The following MDGA2 variants were observed in gnomAD, a reference collection of about 807,000 sequenced individuals.
MDGA2 encodes the protein MAM domain containing glycosylphosphatidylinositol anchor 2.
In MDGA2, 40 loss-of-function variants were observed where a neutral mutation model predicts 117.8. The ratio of observed to expected loss-of-function variants is 0.34; its 90% CI spans 0.26 to 0.44. MDGA2 has a LOEUF of 0.44. Ranked by LOEUF, MDGA2 falls within the 20% of genes least tolerant of loss-of-function variation. MDGA2 has a pLI of 1.00. For synonymous variants in MDGA2, 452 were observed against 439.0 expected (o/e 1.03, Z -0.37); for missense variants, 1,123 against 1,250.6 (o/e 0.90, Z 1.54).
chr14:46,878,325 A>G (rs1882312044), intron 11 of MDGA2, among the ~76,000 whole-genome samples: 2 of 152,008 alleles, frequency 1.3e-5, no homozygotes, highest in South Asian at 4.1e-4. Flanking sequence ...AAATATTCCA[A>G]TCTGGATGAA....
chr14:47,325,666 T>C (rs1566739641), intron 1 of MDGA2, among the ~76,000 whole-genome samples: 1 of 152,192 alleles, frequency 6.6e-6, no homozygotes, highest in Non-Finnish European at 1.5e-5. Flanking sequence ...AGAAGTTTAC[T>C]AGGCATGTGC....
At chr14:47,005,819 T>G (rs73239254) in intron 8 of MDGA2, among the ~76,000 whole-genome samples, 32,169 of 151,472 alleles carry the variant, frequency 0.21, 3,684 homozygotes, top group Non-Finnish European at 0.25. Flanking sequence ...TTGTCTATAT[T>G]TTTATTTGTA....
At chr14:46,957,014 A>T (rs964684352) in intron 9 of MDGA2, among the ~76,000 whole-genome samples, 1 of 152,094 alleles carries the variant, frequency 6.6e-6, no homozygotes, top group Non-Finnish European at 1.5e-5. Context: ...CTTCCCAGTC[A>T]TGCTTCCTGT....
intron 8 of MDGA2, among the ~76,000 whole-genome samples, chr14:46,969,776 G>A (rs911357168): frequency 6.6e-6 from 1 of 151,562 alleles, no homozygotes; most frequent in Non-Finnish European, 1.5e-5. Flanking sequence ...ACACACCGGG[G>A]CCCGTTGTGG....
intron 2 of MDGA2, among the ~76,000 whole-genome samples, chr14:47,295,396 C>G (rs1191572307): frequency 6.6e-6 from 1 of 152,088 alleles, no homozygotes; most frequent in Admixed American, 6.6e-5. Flanking sequence ...TTCAGTATTC[C>G]TACTGAGAAC....
At chr14:47,190,553 C>G (rs192962438) in intron 3 of MDGA2, among the ~76,000 whole-genome samples, 8 of 152,136 alleles carry the variant, frequency 5.3e-5, no homozygotes, top group Admixed American at 2.6e-4. Flanking sequence ...AAAACATTAT[C>G]TTTGGCTACG....
At chr14:47,297,118 T>G (rs1566726077) in intron 2 of MDGA2, among the ~76,000 whole-genome samples, 1 of 152,152 alleles carries the variant, frequency 6.6e-6, no homozygotes, top group African/African-American at 2.4e-5. Flanking sequence ...TTTGGACACA[T>G]GGCCAAGTGA....
chr14:47,631,444 A>AT (rs1183708048), intron 1 of MDGA2, among the ~76,000 whole-genome samples: 1 of 152,176 alleles, frequency 6.6e-6, no homozygotes, highest in Non-Finnish European at 1.5e-5. Context: ...TTATTTTTTA[A>AT]AACAAAAACG....
intron 7 of MDGA2, among the ~76,000 whole-genome samples, chr14:47,047,993 A>G (rs1182855484): frequency 1.3e-5 from 2 of 152,122 alleles, no homozygotes; most frequent in Non-Finnish European, 2.9e-5. Flanking sequence ...ATCCAAGGAA[A>G]GAAGATTGCA....
chr14:47,579,648 G>C (rs1896190790), intron 1 of MDGA2, among the ~76,000 whole-genome samples: 1 of 151,948 alleles, frequency 6.6e-6, no homozygotes, highest in African/African-American at 2.4e-5. Context: ...AAAAGATAGG[G>C]TAAGTTTTAT....
At chr14:47,010,899 TAA>T (rs1409019919) in intron 8 of MDGA2, among the ~76,000 whole-genome samples, 3 of 152,056 alleles carry the variant, frequency 2.0e-5, no homozygotes, top group African/African-American at 7.2e-5. Flanking sequence ...TAAATAAATA[TAA>T]GTCATGGACA....
intron 1 of MDGA2, among the ~76,000 whole-genome samples, chr14:47,614,724 G>C (rs180693057): frequency 9.7e-4 from 148 of 152,294 alleles, no homozygotes; most frequent in African/African-American, 3.3e-3. Flanking sequence ...AAAATGAGAA[G>C]TGTAGCAATT....
intron 1 of MDGA2, among the ~76,000 whole-genome samples, chr14:47,304,960 G>C (rs1285712337): frequency 6.6e-6 from 1 of 152,048 alleles, no homozygotes; most frequent in Non-Finnish European, 1.5e-5. Context: ...CTTCCATGAG[G>C]TATGTATTTA....
chr14:47,473,278 G>A (rs909814425), intron 1 of MDGA2, among the ~76,000 whole-genome samples: 5 of 152,228 alleles, frequency 3.3e-5, no homozygotes, highest in African/African-American at 1.2e-4. Flanking sequence ...AGAGCTAGGG[G>A]TCTCCCTCCA....
intron 1 of MDGA2, among the ~76,000 whole-genome samples, chr14:47,392,455 C>T (rs1891918171): frequency 6.6e-6 from 1 of 152,056 alleles, no homozygotes; most frequent in African/African-American, 2.4e-5. Context: ...CAGACTCATG[C>T]AAGTAGGCCT....
intron 2 of MDGA2, among the ~76,000 whole-genome samples, chr14:47,231,289 A>T (rs548685824): frequency 4.6e-5 from 7 of 152,184 alleles, no homozygotes; most frequent in African/African-American, 1.7e-4. Context: ...CCTAAGAGTC[A>T]CATTAACTAA....
chr14:47,660,599 C>T (rs1300374166), intron 1 of MDGA2, among the ~76,000 whole-genome samples: 2 of 152,152 alleles, frequency 1.3e-5, no homozygotes, highest in East Asian at 3.9e-4. Flanking sequence ...GATAGAGTCT[C>T]CTCAATTAAC....
chr14:47,632,516 A>G (rs1594953646), intron 1 of MDGA2, among the ~76,000 whole-genome samples: 1 of 152,334 alleles, frequency 6.6e-6, no homozygotes, highest in African/African-American at 2.4e-5. Flanking sequence ...AGCAAACTGT[A>G]AAAGGTCATG....
intron 4 of MDGA2, among the ~76,000 whole-genome samples, chr14:47,139,883 C>CACAT (rs1491549662): frequency 8.3e-6 from 1 of 120,954 alleles, no homozygotes; most frequent in South Asian, 2.5e-4. Flanking sequence ...CACACACACA[C>CACAT]ATATATATAT....
Sources: gnomAD v4.1 joint callset for allele counts (sites outside exome capture counted in the v4.1 genomes callset) on GRCh38, gnomAD v4.1.1 for gene constraint, MANE v1.5 for transcripts, NCBI Gene and HGNC (gene_info 2026-07-23, HGNC 2026-07-21) for gene names.